The following RABGAP1L variants were observed in gnomAD, a reference collection of about 807,000 sequenced individuals.
The protein encoded by RABGAP1L is RAB GTPase activating protein 1 like.
RABGAP1L carries 63 observed loss-of-function variants against 137.7 expected under a neutral mutation model. That is an observed-to-expected ratio of 0.46 (90% CI 0.37 to 0.56). The LOEUF is 0.56. Among genes scored for constraint, RABGAP1L ranks in the 20% least tolerant of loss-of-function variants. RABGAP1L has a pLI of 0.00. For synonymous variants in RABGAP1L, 431 were observed against 433.7 expected (o/e 0.99, Z 0.08); for missense variants, 1,095 against 1,244.0 (o/e 0.88, Z 1.80).
chr1:174,872,983 C>A (rs1423444537), intron 19 of RABGAP1L, among the ~76,000 whole-genome samples: 1 of 152,130 alleles, frequency 6.6e-6, no homozygotes, highest in African/African-American at 2.4e-5. Flanking sequence ...AGAGGAGGGC[C>A]AGTCATGCAG....
chr1:174,976,157 G>A lies in RABGAP1L; in HGVS notation c.2624G>A (p.Arg875Lys). Residue 875 changes from arginine (R) to lysine (K), a missense_variant, in exon 22 of 26, where the codon AGG becomes AAG. Arg to Lys is a conservative substitution (Grantham distance 26). Transcript: ENST00000681986. ...QRLVETEEEKRKQEEETAQLK... is the reference protein window; with the variant it reads ...QRLVETEEEKKKQEEETAQLK... ...CTGGTGGAGACTGAAGAGGAGAAGAGGAAGCAAGAGGAAGAGACTGCCCAG... is the reference window on the plus strand; with the variant it reads ...CTGGTGGAGACTGAAGAGGAGAAGAAGAAGCAAGAGGAAGAGACTGCCCAG... 6.4e-7 allele frequency: 1 copy of A among 1,550,676 alleles called. No homozygotes were observed. The highest frequency in any genetic ancestry group is 1.2e-5 in the South Asian group (1 of 84,058).
chr1:174,211,691 A>G (rs1003564987), intron 1 of RABGAP1L, among the ~76,000 whole-genome samples: 2 of 152,160 alleles, frequency 1.3e-5, no homozygotes, highest in African/African-American at 2.4e-5. Flanking sequence ...TAGTGGCTGA[A>G]TGTATAAAAA....
chr1:174,636,720 A>G (rs1674074171), intron 13 of RABGAP1L, among the ~76,000 whole-genome samples: 3 of 152,198 alleles, frequency 2.0e-5, no homozygotes, highest in African/African-American at 7.2e-5. Context: ...GATGAGAAAT[A>G]CATACTCTAC....
At chr1:174,239,286 T>G (rs1019724339) in intron 4 of RABGAP1L, among the ~76,000 whole-genome samples, 5 of 152,186 alleles carry the variant, frequency 3.3e-5, no homozygotes, top group African/African-American at 1.2e-4. Context: ...CCATCTTGGC[T>G]CCTCTTCGAT....
intron 11 of RABGAP1L, among the ~76,000 whole-genome samples, chr1:174,308,294 T>C (rs1476153105): frequency 6.6e-6 from 1 of 151,978 alleles, no homozygotes; most frequent in Non-Finnish European, 1.5e-5. Flanking sequence ...TTATGAGATG[T>C]GTGATTTGCG....
At chr1:174,647,024 A>G (rs1475144420) in intron 14 of RABGAP1L, among the ~76,000 whole-genome samples, 1 of 152,110 alleles carries the variant, frequency 6.6e-6, no homozygotes, top group African/African-American at 2.4e-5. Flanking sequence ...TTATTGGTGT[A>G]TAGGAATGCT....
At chr1:174,942,269 G>T (rs1012182) in intron 19 of RABGAP1L, among the ~76,000 whole-genome samples, 1 of 151,926 alleles carries the variant, frequency 6.6e-6, no homozygotes, top group African/African-American at 2.4e-5. Context: ...ACTGCTGTTC[G>T]GCCAAATCTG....
chr1:174,963,290 C>T (rs1455382792), intron 20 of RABGAP1L, among the ~76,000 whole-genome samples: 3 of 152,178 alleles, frequency 2.0e-5, no homozygotes, highest in South Asian at 4.1e-4. Flanking sequence ...AGAAGTCTTC[C>T]ACTTTCTCTT....
At chr1:174,744,561 C>T (rs1179076404) in intron 17 of RABGAP1L, among the ~76,000 whole-genome samples, 1 of 152,156 alleles carries the variant, frequency 6.6e-6, no homozygotes, top group African/African-American at 2.4e-5. Context: ...TATGTAACCT[C>T]CTGATAGAAT....
intron 20 of RABGAP1L, among the ~76,000 whole-genome samples, chr1:174,958,380 T>C (rs1668796783): frequency 6.6e-6 from 1 of 152,194 alleles, no homozygotes; most frequent in South Asian, 2.1e-4. Flanking sequence ...TTCCAACTTA[T>C]TTTTTTCCAA....
chr1:174,883,251 C>A (rs1201783394), intron 19 of RABGAP1L, among the ~76,000 whole-genome samples: 1 of 152,160 alleles, frequency 6.6e-6, no homozygotes, highest in Non-Finnish European at 1.5e-5. Context: ...AATAGTATTA[C>A]CTCATTGGAA....
chr1:174,842,165 C>A (rs568108574), intron 19 of RABGAP1L, among the ~76,000 whole-genome samples: 1 of 152,178 alleles, frequency 6.6e-6, no homozygotes, highest in South Asian at 2.1e-4. Flanking sequence ...AAATTTTCCA[C>A]TTAGTCCATT....
At chr1:174,487,730 G>T (rs1301870364) in intron 13 of RABGAP1L, among the ~76,000 whole-genome samples, 1 of 151,884 alleles carries the variant, frequency 6.6e-6, no homozygotes, top group South Asian at 2.1e-4. Context: ...TTTGGTTAAG[G>T]TGATTTTCTC....
chr1:174,684,990 A>G (rs975543136), intron 15 of RABGAP1L, among the ~76,000 whole-genome samples: 1 of 152,100 alleles, frequency 6.6e-6, no homozygotes, highest in Non-Finnish European at 1.5e-5. Context: ...CAAAAAAATA[A>G]TAATAATAAA....
chr1:174,992,940 C>T lies in RABGAP1L; in HGVS notation c.*2939C>T, dbSNP rs1217402166. The T allele has an allele frequency of 6.6e-6, 1 of 152,208 alleles. No homozygotes were observed. The highest frequency in any genetic ancestry group is 1.5e-5 in the Non-Finnish European group (1 of 68,036). The allele number at this position is 152,208 out of a possible 1,614,324, so 9.4% of individuals were successfully genotyped here. A position where few individuals can be genotyped will look rare whatever the true frequency, so the allele number is the denominator to read the frequency against. On this transcript the variant is annotated 3_prime_UTR_variant, in exon 26 of 26. Transcript: ENST00000681986. ...TTGCTAGGATGCACTCTGTACAAAA[C>T]ATTCCTCTGAAAATCTAATATTTGC...
At chr1:174,330,459 C>G (rs1021814946) in intron 11 of RABGAP1L, among the ~76,000 whole-genome samples, 1 of 152,196 alleles carries the variant, frequency 6.6e-6, no homozygotes, top group East Asian at 1.9e-4. Flanking sequence ...GTGGCACCCA[C>G]CTGTAGTCCC....
rs1275083041 is a variant in RABGAP1L, at chr1:174,882,830, C to T, written c.2340+70870C>T. 2.0e-5 allele frequency among the ~76,000 whole-genome samples: 3 copies of T among 146,364 alleles called. No individual in the cohort carries two copies. In the East Asian group the frequency reaches 5.9e-4, roughly 29 times the overall value. On this transcript the variant is annotated intron_variant, in intron 19 of 25. Transcript: ENST00000681986. The stretch of plus-strand genomic sequence containing the variant: ...AGTCACTACTAGCAGAACATAAGAG[C>T]TTTTTTTTTTTTGGAGACAGAGTGT...
At chr1:174,667,539 G>C (rs1341021584) in intron 14 of RABGAP1L, among the ~76,000 whole-genome samples, 1 of 152,088 alleles carries the variant, frequency 6.6e-6, no homozygotes, top group Admixed American at 6.5e-5. Context: ...CATTCCATCT[G>C]GCACATAATA....
intron 13 of RABGAP1L, among the ~76,000 whole-genome samples, chr1:174,515,026 C>A (rs1662690990): frequency 6.6e-6 from 1 of 151,888 alleles, no homozygotes; most frequent in Non-Finnish European, 1.5e-5. Flanking sequence ...TAACATTTTT[C>A]TGAAAAAGTT....
Sources: allele counts gnomAD v4.1 joint callset (sites outside exome capture counted in the v4.1 genomes callset), GRCh38; gene constraint gnomAD v4.1.1; transcripts MANE v1.5; gene names NCBI Gene and HGNC (gene_info 2026-07-23, HGNC 2026-07-21).